LRBA: variants seen among roughly 807,000 people sequenced by gnomAD.
LRBA encodes the protein LPS responsive beige-like anchor protein, also known as lipopolysaccharide-responsive and beige-like anchor protein.
Under a neutral mutation model 330.0 loss-of-function variants are expected in LRBA, and 176 were observed. The observed-to-expected ratio is 0.53, with a 90% CI of 0.47 to 0.60. The LOEUF is 0.60. Among genes scored for constraint, LRBA ranks in the 20% least tolerant of loss-of-function variants. The pLI, the probability that LRBA is intolerant of heterozygous loss-of-function variation, is 0.00. For synonymous variants in LRBA, 1,230 were observed against 1,193.0 expected (o/e 1.03, Z -0.64); for missense variants, 3,259 against 3,444.8 (o/e 0.95, Z 1.35).
In LRBA at chr4:150,327,995, G is replaced by C. The variant is rs1221652118; in HGVS notation, c.7363-2097C>G. Among the ~76,000 whole-genome samples, 6 of 152,220 alleles carry C rather than the reference G, an allele frequency of 3.9e-5. No individual in the cohort carries two copies. The East Asian group carries it at 1.2e-3, about 29-fold the overall frequency. ...GTTCTGAGAGCAGTCCAAAACATGA[G>C]GAATTATACACCTGGGTCCTTATGG... On this transcript the variant is annotated intron_variant, in intron 48 of 56. Transcript: ENST00000651943.
At chr4:150,351,824 C>T (rs979492184) in intron 47 of LRBA, among the ~76,000 whole-genome samples, 1 of 152,114 alleles carries the variant, frequency 6.6e-6, no homozygotes. Flanking sequence ...TATGTTTTTT[C>T]CTATACATAA....
chr4:150,322,777 T>C (rs923284711), intron 49 of LRBA, among the ~76,000 whole-genome samples: 1 of 152,142 alleles, frequency 6.6e-6, no homozygotes, highest in Non-Finnish European at 1.5e-5. Flanking sequence ...GGATGCTCAT[T>C]CAATTAAAGG....
chr4:150,975,138 A>T (rs1170163211), intron 2 of LRBA, among the ~76,000 whole-genome samples: 1 of 152,252 alleles, frequency 6.6e-6, no homozygotes, highest in East Asian at 1.9e-4. Context: ...AACAATAAAC[A>T]GATAAAAACA....
intron 4 of LRBA, among the ~76,000 whole-genome samples, chr4:150,922,952 G>A (rs1276846618): frequency 1.3e-5 from 2 of 152,102 alleles, no homozygotes; most frequent in East Asian, 1.9e-4. Context: ...AGGTCAGGAT[G>A]AGAACTCAAT....
intron 53 of LRBA, among the ~76,000 whole-genome samples, chr4:150,300,728 T>C (rs1022897637): frequency 6.5e-4 from 99 of 152,260 alleles, no homozygotes; most frequent in African/African-American, 2.3e-3. Flanking sequence ...TATGAAAATA[T>C]ATTTAAATGT....
chr4:150,602,377 T>C (rs1774208985), intron 37 of LRBA, among the ~76,000 whole-genome samples: 1 of 152,220 alleles, frequency 6.6e-6, no homozygotes, highest in Non-Finnish European at 1.5e-5. Context: ...TCAGATTGTG[T>C]AGGTAATACA....
At chr4:150,558,829 C>T (rs533829740) in intron 40 of LRBA, among the ~76,000 whole-genome samples, 2 of 152,274 alleles carry the variant, frequency 1.3e-5, no homozygotes, top group South Asian at 2.1e-4. Flanking sequence ...GACTCTGACT[C>T]TAATCTAGTA....
At chr4:150,844,942 T>C (rs1192610212) in intron 26 of LRBA, among the ~76,000 whole-genome samples, 163 bp from the exon 27 acceptor site, 1 of 152,214 alleles carries the variant, frequency 6.6e-6, no homozygotes, top group Non-Finnish European at 1.5e-5. Flanking sequence ...CGCCTAGTGT[T>C]GGTTGTCTGA....
chr4:150,464,127 G>C (rs891752292), intron 44 of LRBA, among the ~76,000 whole-genome samples: 46 of 151,678 alleles, frequency 3.0e-4, no homozygotes, highest in African/African-American at 1.1e-3. Flanking sequence ...ACATCTTAAA[G>C]AGATTTCTAA....
chr4:150,460,656 CAGG>C, intron 44 of LRBA, among the ~76,000 whole-genome samples: 1 of 151,848 alleles, frequency 6.6e-6, no homozygotes, highest in East Asian at 1.9e-4. Context: ...AGATAGGAAT[CAGG>C]AGATCATGGT....
chr4:150,908,456 T>C lies in LRBA; in HGVS notation c.1371A>G (p.Ala457=). Residue 457 remains alanine (A), a synonymous_variant, in exon 11 of 57, where the codon GCA becomes GCG. Transcript: ENST00000651943. ...CACTTTGGATGGAATGTGTTAAAAC[T>C]GCCTTTACATCCTTGTAAGATCAAA... The part of the protein sequence containing the change: ...PHALMLQDVK[A]VLTHSIQSAM... The C allele has an allele frequency of 1.3e-6, 2 of 1,596,920 alleles. No homozygotes were observed. The highest frequency in any genetic ancestry group is 1.7e-6 in the Non-Finnish European group (2 of 1,175,406).
chr4:150,422,172 A>AGGGCTCC (rs1185399086), intron 46 of LRBA, among the ~76,000 whole-genome samples: 3 of 152,234 alleles, frequency 2.0e-5, no homozygotes, highest in Admixed American at 2.0e-4. Context: ...TGAGGTGAGG[A>AGGGCTCC]CTGCTTGAGC....
At chr4:150,435,351 CAAAACAAAAACAAAAACA>C (rs539459518) in intron 46 of LRBA, among the ~76,000 whole-genome samples, 2 of 151,542 alleles carry the variant, frequency 1.3e-5, no homozygotes, top group African/African-American at 4.8e-5. Flanking sequence ...ACTCTGTCTC[CAAAACAAAAACAAAAACA>C]AAAACAAAAA....
At chr4:150,928,782 G>A (rs2149508653) in intron 3 of LRBA, 52 bp downstream of exon 3, 1 of 1,471,858 alleles carries the variant, frequency 6.8e-7, no homozygotes, top group Non-Finnish European at 9.4e-7. Flanking sequence ...ATATGTATTT[G>A]AAAATCAAAC....
rs375188459 is a variant in LRBA at position 150,782,039 on chromosome 4, T to G, written c.5580+16042A>C. On this transcript the variant is annotated intron_variant, in intron 34 of 56. Transcript: ENST00000651943. Reference sequence around the variant, plus strand: ...CCTCCCATCTCAGCATCCCAGTAGCTAGGACTGCAGGTGCACACCATCGTG... The same window carrying G: ...CCTCCCATCTCAGCATCCCAGTAGCGAGGACTGCAGGTGCACACCATCGTG... Among the ~76,000 whole-genome samples the G allele has an allele frequency of 1.6e-4, 24 of 152,264 alleles. No individual in the cohort carries two copies. The East Asian group carries it at 4.6e-3, about 29-fold the overall frequency.
chr4:150,735,431 T>G, intron 35 of LRBA, 65 bp from the exon 36 acceptor site: 1 of 1,059,494 alleles, frequency 9.4e-7, no homozygotes, highest in Non-Finnish European at 1.5e-6. Flanking sequence ...GATTATTCAC[T>G]GCTTACGGTG....
At chr4:150,457,977 A>G (rs1398104588) in intron 44 of LRBA, among the ~76,000 whole-genome samples, 1 of 151,974 alleles carries the variant, frequency 6.6e-6, no homozygotes, top group Non-Finnish European at 1.5e-5. Flanking sequence ...TGTTGCTGGT[A>G]TATGTCAGGA....
chr4:150,652,534 T>C (rs1280459964), intron 37 of LRBA, among the ~76,000 whole-genome samples: 5 of 152,050 alleles, frequency 3.3e-5, no homozygotes, highest in African/African-American at 1.2e-4. Context: ...AGAAATACAA[T>C]GCAAATCACA....
At position 150,878,901 on chromosome 4, in the gene LRBA, T is replaced by A. The variant is rs572308421; in HGVS notation, c.2166-6146A>T. ...TTTGGTTACCTACTAACCAAAAAAA[T>A]CCTAGATGAGGTAAATTCACTGCCA... On this transcript the variant is annotated intron_variant, in intron 17 of 56. Transcript: ENST00000651943. Among the ~76,000 whole-genome samples, 491 of 146,518 alleles carry A rather than the reference T, an allele frequency of 3.4e-3. 1 individual carries two copies. Among genetic ancestry groups the A allele is most frequent in the Non-Finnish European group, 5.0e-3 (335 of 66,960 alleles).
Sources: allele counts gnomAD v4.1 joint callset (sites outside exome capture counted in the v4.1 genomes callset), GRCh38; gene constraint gnomAD v4.1.1; transcripts MANE v1.5; gene names NCBI Gene and HGNC (gene_info 2026-07-23, HGNC 2026-07-21).